The following CUX1 variants were observed in gnomAD, a reference collection of about 807,000 sequenced individuals.
The protein encoded by CUX1 is protein CASP.
A neutral mutation model predicts 158.8 loss-of-function variants in CUX1; 31 were observed. The observed-to-expected ratio is 0.20, with a 90% CI of 0.15 to 0.26. CUX1 has a LOEUF of 0.26. CUX1 is among the 10% of genes least tolerant of loss of function. The pLI, the probability that CUX1 is intolerant of heterozygous loss-of-function variation, is 1.00. For missense variants in CUX1, 1,589 were observed against 2,014.6 expected (o/e 0.79, Z 4.04); for synonymous variants, 879 against 862.1 (o/e 1.02, Z -0.34).
chr7:101,873,723 A>G (rs1053079555), intron 1 of CUX1, among the ~76,000 whole-genome samples: 11 of 152,278 alleles, frequency 7.2e-5, no homozygotes, highest in Non-Finnish European at 2.9e-5. Context: ...AGCTGGGATT[A>G]CAGGCGTGCA....
intron 2 of CUX1, among the ~76,000 whole-genome samples, chr7:101,953,423 C>T (rs1585079260): frequency 6.6e-6 from 1 of 152,324 alleles, no homozygotes; most frequent in South Asian, 2.1e-4. Context: ...GTTGTTCGGC[C>T]TTCTCGTTGA....
chr7:102,283,013 T>TC, intron 22 of CUX1: 2 of 1,607,138 alleles, frequency 1.2e-6, no homozygotes, highest in Non-Finnish European at 1.7e-6. Context: ...GCTTCCCGTG[T>TC]CCCCCAGGTT....
At chr7:102,131,789 C>T (rs1365044697) in intron 8 of CUX1, among the ~76,000 whole-genome samples, 1 of 151,700 alleles carries the variant, frequency 6.6e-6, no homozygotes, top group Non-Finnish European at 1.5e-5. Flanking sequence ...TCTCCTGCCT[C>T]AGCCTCCTGA....
intron 22 of CUX1, among the ~76,000 whole-genome samples, chr7:102,238,980 C>T (rs1305171728): frequency 6.6e-6 from 1 of 152,192 alleles, no homozygotes; most frequent in Non-Finnish European, 1.5e-5. Flanking sequence ...ACCTCCACCT[C>T]CCAGGTTCAT....
At chr7:101,995,633 T>G (rs562731935) in intron 2 of CUX1, among the ~76,000 whole-genome samples, 102 of 152,292 alleles carry the variant, frequency 6.7e-4, no homozygotes, top group African/African-American at 2.3e-3. Context: ...AGACGATAGT[T>G]GTCAAGAATT....
intron 21 of CUX1, chr7:102,281,932 C>T (rs782361123): frequency 2.5e-6 from 4 of 1,588,074 alleles, no homozygotes; most frequent in East Asian, 2.2e-5. Context: ...TGAGTGTGCA[C>T]ACGGGCGGGC....
At chr7:102,147,437 C>T (rs947237999) in intron 8 of CUX1, among the ~76,000 whole-genome samples, 18 of 152,232 alleles carry the variant, frequency 1.2e-4, no homozygotes, top group Non-Finnish European at 1.5e-5. Flanking sequence ...TTCTGCACTC[C>T]AGGACCTCAC....
intron 2 of CUX1, among the ~76,000 whole-genome samples, chr7:101,941,465 G>A (rs1036761979): frequency 1.3e-5 from 2 of 152,236 alleles, no homozygotes; most frequent in Admixed American, 1.3e-4. Flanking sequence ...GAAAATGGAA[G>A]AAAGGGCTCA....
At chr7:101,974,185 G>T (rs539458816) in intron 2 of CUX1, among the ~76,000 whole-genome samples, 49 of 151,754 alleles carry the variant, frequency 3.2e-4, no homozygotes, top group Middle Eastern at 6.8e-3. Flanking sequence ...TCTCACCTCA[G>T]CCTCCCAAGT....
intron 14 of CUX1, among the ~76,000 whole-genome samples, chr7:102,265,828 G>C (rs148901718): frequency 1.1e-3 from 166 of 152,250 alleles, no homozygotes; most frequent in African/African-American, 3.7e-3. Flanking sequence ...TCATCACAAT[G>C]AGAGGTGGTC....
intron 12 of CUX1, among the ~76,000 whole-genome samples, chr7:102,192,190 C>T (rs1310327702): frequency 6.6e-6 from 1 of 152,176 alleles, no homozygotes; most frequent in African/African-American, 2.4e-5. Context: ...GGATGCTGAC[C>T]TCAGATCCTC....
At chr7:101,915,839 CAG>C (rs1804126892) in intron 1 of CUX1, among the ~76,000 whole-genome samples, 1 of 152,178 alleles carries the variant, frequency 6.6e-6, no homozygotes, top group Non-Finnish European at 1.5e-5. Context: ...GTTATGGGAA[CAG>C]AGTCATTTAT....
intron 4 of CUX1, among the ~76,000 whole-genome samples, chr7:102,078,186 C>T (rs1193612754): frequency 1.3e-5 from 2 of 152,190 alleles, no homozygotes; most frequent in African/African-American, 4.8e-5. Flanking sequence ...AGTGATCCCC[C>T]TGCCTCAGCC....
Position 101,950,967 on chromosome 7 carries a change from C to T in CUX1, c.141+34742C>T, listed in dbSNP as rs75612655. 5.8e-3 allele frequency among the ~76,000 whole-genome samples: 889 copies of T among 152,298 alleles called. 5 individuals carry two copies. The highest frequency in any genetic ancestry group is 0.012 in the South Asian group (56 of 4,824). On this transcript the variant is annotated intron_variant, in intron 2 of 23. Transcript: ENST00000292535. Reference sequence around the variant, plus strand: ...GTCTCACTTCCTTTGGTTTCATTCCCTTTCTGTATATCTGCCCCCTGGAGG... The same window carrying T: ...GTCTCACTTCCTTTGGTTTCATTCCTTTTCTGTATATCTGCCCCCTGGAGG...
chr7:101,884,306 A>C (rs556799230), intron 1 of CUX1, among the ~76,000 whole-genome samples: 3 of 152,312 alleles, frequency 2.0e-5, no homozygotes, highest in South Asian at 2.1e-4. Flanking sequence ...TGGGATATAT[A>C]CTTATAGTTA....
intron 15 of CUX1, chr7:102,274,115 C>T (rs868952305): frequency 1.2e-6 from 1 of 851,808 alleles, no homozygotes; most frequent in South Asian, 1.4e-5. Context: ...CTGCAGCCAG[C>T]CTGCACCCCG....
intron 3 of CUX1, among the ~76,000 whole-genome samples, chr7:102,062,177 G>A (rs1824954040): frequency 6.6e-6 from 1 of 152,192 alleles, no homozygotes. Flanking sequence ...CATTTCGTGT[G>A]GCTATGCCTG....
chr7:101,847,077 G>A (rs183698225), intron 1 of CUX1, among the ~76,000 whole-genome samples: 17 of 152,258 alleles, frequency 1.1e-4, no homozygotes, highest in South Asian at 2.1e-4. Context: ...CCAGGAGTTC[G>A]CGGCTGCAGC....
intron 8 of CUX1, among the ~76,000 whole-genome samples, chr7:102,128,299 A>T (rs536422895): frequency 6.6e-6 from 1 of 152,292 alleles, no homozygotes; most frequent in East Asian, 1.9e-4. Flanking sequence ...AGTCAGGGAC[A>T]GTGGATGATA....
Sources: allele counts gnomAD v4.1 joint callset (sites outside exome capture counted in the v4.1 genomes callset), GRCh38; gene constraint gnomAD v4.1.1; transcripts MANE v1.5; gene names NCBI Gene and HGNC (gene_info 2026-07-23, HGNC 2026-07-21).